The following SULT2A1 variants were observed in gnomAD, a reference collection of about 807,000 sequenced individuals.
SULT2A1 encodes the protein sulfotransferase 2A1.
SULT2A1 carries 43 observed loss-of-function variants against 33.9 expected under a neutral mutation model. The observed-to-expected ratio is 1.27, with a 90% CI of 1.00 to 1.64. SULT2A1 has a LOEUF of 1.64. Among genes scored for constraint, SULT2A1 ranks in the 40% most tolerant of loss-of-function variants. The pLI is 0.00. For synonymous variants in SULT2A1, 125 were observed against 113.6 expected, an observed-to-expected ratio of 1.10 and a Z score of -0.64; for missense variants, 300 against 335.1, an observed-to-expected ratio of 0.90 and a Z score of 0.82.
At chr19:47,877,676 A>G (rs1433982600) in intron 4 of SULT2A1, among the ~76,000 whole-genome samples, 1 of 151,176 alleles carries the variant, frequency 6.6e-6, no homozygotes, top group East Asian at 2.0e-4. Flanking sequence ...CAGCCTCCCA[A>G]GTAGCTGGGA....
At chr19:47,874,224 T>G (rs1192078286) in intron 5 of SULT2A1, among the ~76,000 whole-genome samples, 1 of 151,980 alleles carries the variant, frequency 6.6e-6, no homozygotes. Context: ...ACGGGAGAAG[T>G]GTTCTGGGCG....
intron 5 of SULT2A1, among the ~76,000 whole-genome samples, chr19:47,872,068 C>T (rs531068152): frequency 6.6e-6 from 1 of 152,220 alleles, no homozygotes; most frequent in Admixed American, 6.5e-5. Flanking sequence ...CAGGTGCCTA[C>T]CACCACGCCT....
chr19:47,885,218 T>C (rs1263357693), intron 1 of SULT2A1, among the ~76,000 whole-genome samples: 1 of 152,164 alleles, frequency 6.6e-6, no homozygotes, highest in Non-Finnish European at 1.5e-5. Context: ...ACCGAAACTC[T>C]ATGCAGAGCC....
chr19:47,886,000 C>A, intron 1 of SULT2A1, 122 bp downstream of exon 1: 1 of 1,212,308 alleles, frequency 8.2e-7, no homozygotes, highest in Non-Finnish European at 1.2e-6. Flanking sequence ...TGGTATTAGG[C>A]ATTCCTCTCT....
At chr19:47,881,949 C>T (rs1338933081) in intron 3 of SULT2A1, 135 bp downstream of exon 3, 4 of 1,151,486 alleles carry the variant, frequency 3.5e-6, no homozygotes, top group Non-Finnish European at 5.0e-6. Flanking sequence ...AGTAAGCGAA[C>T]TTAGCAGGTT....
intron 4 of SULT2A1, among the ~76,000 whole-genome samples, chr19:47,877,795 C>T (rs2122148143): frequency 6.6e-6 from 1 of 152,312 alleles, no homozygotes; most frequent in African/African-American, 2.4e-5. Context: ...AAGCCATCCA[C>T]CTGCCTTCAC....
chr19:47,879,291 G>A (rs540942537), intron 3 of SULT2A1, among the ~76,000 whole-genome samples, 161 bp from the exon 4 acceptor site: 4 of 152,204 alleles, frequency 2.6e-5, no homozygotes, highest in South Asian at 2.1e-4. Context: ...TATATTTACA[G>A]TATATAACAG....
chr19:47,885,430 C>T (rs1053562561), intron 1 of SULT2A1, among the ~76,000 whole-genome samples: 3 of 152,188 alleles, frequency 2.0e-5, no homozygotes, highest in African/African-American at 7.2e-5. Flanking sequence ...TTTCTTCCTT[C>T]TCAAGGATGA....
chr19:47,882,010 G>A (rs1968608924), intron 3 of SULT2A1, 74 bp downstream of exon 3: 6 of 1,584,764 alleles, frequency 3.8e-6, no homozygotes, highest in Non-Finnish European at 8.6e-7. Flanking sequence ...GTGAGATGTA[G>A]AGATGTGAGG....
In SULT2A1 at chr19:47,870,628, T is replaced by A. The variant is rs896298647; in HGVS notation, c.*827A>T. On this transcript the variant is annotated 3_prime_UTR_variant, in exon 6 of 6. Transcript: ENST00000222002. ...ATTGCTCCTGTAATTTTATTTCTTA[T>A]TTTTATTACTAATTTTTGCTCTAAA... 3 of 148,184 alleles carry A rather than the reference T, an allele frequency of 2.0e-5. 1 individual carries two copies. Among genetic ancestry groups the A allele is most frequent in the Non-Finnish European group, 4.6e-5 (3 of 65,782 alleles). 9.2% of individuals were successfully genotyped at this position (148,184 alleles called of 1,614,324 possible).
chr19:47,883,588 A>G lies in SULT2A1; in HGVS notation c.334T>C (p.Ser112Pro). ...CATTATGCACTGACCTTGGCCTTGG[A>G]ACTGAAGAAAGACTTGGGGAATAAC... ...IQLFPKSFFS[S>P]KAKVIYLMRN... The change falls in exon 2 of 6, where the codon TCC becomes CCC. Residue 112 changes from serine to proline, a missense_variant. Coordinates refer to ENST00000222002, the MANE Select transcript of SULT2A1 (RefSeq NM_003167.4). The G allele has an allele frequency of 6.2e-7, 1 of 1,614,112 alleles. No individual in the cohort carries two copies. Among genetic ancestry groups the G allele is most frequent in the Non-Finnish European group, 8.5e-7 (1 of 1,180,022 alleles).
chr19:47,884,960 C>T (rs1003323530), intron 1 of SULT2A1, among the ~76,000 whole-genome samples: 13 of 151,468 alleles, frequency 8.6e-5, no homozygotes, highest in Admixed American at 2.0e-4. Flanking sequence ...TACAGACGTG[C>T]GCCACAGCGC....
chr19:47,882,319 T>C, intron 2 of SULT2A1, 109 bp from the exon 3 acceptor site: 1 of 1,348,680 alleles, frequency 7.4e-7, no homozygotes, highest in Non-Finnish European at 1.0e-6. Context: ...CCTAATAATA[T>C]CAATGGATTC....
chr19:47,874,881 G>A, intron 4 of SULT2A1, 47 bp from the exon 5 acceptor site: 2 of 1,571,962 alleles, frequency 1.3e-6, no homozygotes, highest in South Asian at 1.1e-5. Flanking sequence ...GAAAGACAAG[G>A]CTGGGCGTGG....
At chr19:47,872,197 C>T (rs546757203) in intron 5 of SULT2A1, among the ~76,000 whole-genome samples, 3 of 152,288 alleles carry the variant, frequency 2.0e-5, no homozygotes, top group Admixed American at 6.5e-5. Context: ...GGATTACAGG[C>T]GTGAGCCACC....
chr19:47,873,330 T>A (rs1968510670), intron 5 of SULT2A1, among the ~76,000 whole-genome samples: 1 of 150,258 alleles, frequency 6.7e-6, no homozygotes, highest in South Asian at 2.1e-4. Flanking sequence ...CCACCACACT[T>A]GGCTAATTTT....
At position 47,871,118 on chromosome 19, in the gene SULT2A1, A is replaced by G; in HGVS notation, c.*337T>C. ...CCCCCCGACCTCCCAAAGTGCTGGG[A>G]TTACAGACATGAGCCAATGCGCCTG... On this transcript the variant is annotated 3_prime_UTR_variant, in exon 6 of 6. Transcript: ENST00000222002. 1 of 166,036 alleles carries G rather than the reference A, an allele frequency of 6.0e-6. No individual in the cohort carries two copies. Among genetic ancestry groups the G allele is most frequent in the Non-Finnish European group, 1.2e-5 (1 of 80,830 alleles). The allele number at this position is 166,036 out of a possible 1,614,324, so 10.3% of individuals were successfully genotyped here.
Position 47,873,614 on chromosome 19 carries a change from C to CTTT in SULT2A1, c.745+1040_745+1042dup, listed in dbSNP as rs61271763. 8.1e-4 allele frequency among the ~76,000 whole-genome samples: 50 copies of CTTT among 62,096 alleles called. 4 individuals are homozygous for CTTT. Among genetic ancestry groups the CTTT allele is most frequent in the African/African-American group, 1.0e-3 (13 of 12,832 alleles). The allele number at this position is 62,096 out of a possible 152,430, so 40.7% of individuals were successfully genotyped here. Reference sequence around the variant, plus strand: ...ACATTTCTTCATCCAGGACAGATCTCTTTTTTTTTTTTTTTTTTTTTTTTT... The same window carrying CTTT: ...ACATTTCTTCATCCAGGACAGATCTCTTTTTTTTTTTTTTTTTTTTTTTTTTTT... On this transcript the variant is annotated intron_variant, in intron 5 of 5. Coordinates refer to ENST00000222002, the MANE Select transcript of SULT2A1 (RefSeq NM_003167.4).
chr19:47,879,051 A>G lies in SULT2A1; in HGVS notation c.552T>C (p.Tyr184=). 2 of 1,611,982 alleles carry G rather than the reference A, an allele frequency of 1.2e-6. No homozygotes were observed. Among genetic ancestry groups the G allele is most frequent in the Non-Finnish European group, 1.7e-6 (2 of 1,178,102 alleles). The change falls in exon 4 of 6, where the codon TAT becomes TAC. Residue 184 remains tyrosine (Y), a synonymous_variant. Transcript: ENST00000222002. ...REEKNFLLLS[Y]EELKQDTGRT... ...ATGGGATTACCTGTTTCAGCTCCTC[A>G]TAACTCAGTAACAGGAAGTTTTTCT...
Sources: allele counts gnomAD v4.1 joint callset (sites outside exome capture counted in the v4.1 genomes callset), GRCh38; gene constraint gnomAD v4.1.1; transcripts MANE v1.5; gene names NCBI Gene and HGNC (gene_info 2026-07-23, HGNC 2026-07-21).